BCHE: variants seen among roughly 807,000 people sequenced by gnomAD.
BCHE encodes cholinesterase.
Under a neutral mutation model 51.3 loss-of-function variants are expected in BCHE, and 48 were observed. That is an observed-to-expected ratio of 0.94 (90% CI 0.74 to 1.19). BCHE has a LOEUF of 1.19. Ranked by LOEUF, BCHE falls within the 50% of genes most tolerant of loss-of-function variation. BCHE has a pLI of 0.00. For synonymous variants in BCHE, 251 were observed against 238.0 expected, an observed-to-expected ratio of 1.05 and a Z score of -0.50; for missense variants, 847 against 708.2, an observed-to-expected ratio of 1.20 and a Z score of -2.23.
intron 1 of BCHE, among the ~76,000 whole-genome samples, chr3:165,833,361 C>T (rs1414772458): frequency 6.6e-6 from 1 of 152,082 alleles, no homozygotes; most frequent in Non-Finnish European, 1.5e-5. Flanking sequence ...CTCACGCAAA[C>T]TTAGATGCCA....
chr3:165,828,553 TTTG>T (rs1714821232), intron 2 of BCHE, among the ~76,000 whole-genome samples: 1 of 152,124 alleles, frequency 6.6e-6, no homozygotes, highest in African/African-American at 2.4e-5. Flanking sequence ...CTATCGGCAT[TTTG>T]TTTAGTTATA....
chr3:165,785,438 T>G (rs1400357067), intron 3 of BCHE, among the ~76,000 whole-genome samples: 1 of 151,848 alleles, frequency 6.6e-6, no homozygotes, highest in African/African-American at 2.4e-5. Context: ...GACACATGTT[T>G]GATCACTCAA....
At chr3:165,791,551 A>G (rs1388429782) in intron 2 of BCHE, among the ~76,000 whole-genome samples, 1 of 152,238 alleles carries the variant, frequency 6.6e-6, no homozygotes. Flanking sequence ...GGAAAGGAGC[A>G]GGCAAGGTTG....
chr3:165,777,690 G>C, intron 3 of BCHE: 1 of 411,736 alleles, frequency 2.4e-6, no homozygotes, highest in Non-Finnish European at 4.9e-6. Flanking sequence ...TGAACAACAT[G>C]AGTCTGAACT....
intron 2 of BCHE, among the ~76,000 whole-genome samples, chr3:165,792,028 T>C (rs56375675): frequency 0.096 from 14,608 of 152,008 alleles, 766 homozygotes; most frequent in Admixed American, 0.14. Context: ...AAATTTTACA[T>C]CCAAATGGAG....
chr3:165,830,093 A>G lies in BCHE; in HGVS notation c.941T>C (p.Leu314Ser). The G allele has an allele frequency of 1.2e-6, 2 of 1,613,716 alleles. No homozygotes were observed. The highest frequency in any genetic ancestry group is 1.7e-6 in the Non-Finnish European group (2 of 1,179,846). The change falls in exon 2 of 4, where the codon TTG becomes TCG. Residue 314 changes from leucine (L) to serine (S), a missense_variant. Leu to Ser is a moderately radical substitution (Grantham distance 145). Transcript: ENST00000264381. ...EAFVVPYGTP[L>S]SVNFGPTVDG... ...CACGGTCGGACCAAAGTTTACTGACAAAGGAGTCCCATAGGGGACAACAAA... is the reference window on the plus strand; with the variant it reads ...CACGGTCGGACCAAAGTTTACTGACGAAGGAGTCCCATAGGGGACAACAAA...
At chr3:165,797,491 A>G (rs79810427) in intron 2 of BCHE, among the ~76,000 whole-genome samples, 262 of 151,398 alleles carry the variant, frequency 1.7e-3, no homozygotes, top group African/African-American at 6.1e-3. Flanking sequence ...TCCAGAGACA[A>G]CAAAGCAACT....
intron 2 of BCHE, among the ~76,000 whole-genome samples, chr3:165,798,394 A>G (rs1441447030): frequency 6.6e-6 from 1 of 152,140 alleles, no homozygotes; most frequent in Non-Finnish European, 1.5e-5. Context: ...AGAAGAATAT[A>G]CTTTAAAAAA....
intron 2 of BCHE, among the ~76,000 whole-genome samples, chr3:165,791,988 T>TAAAATAAAATAAA (rs372410356): frequency 1.3e-5 from 2 of 151,514 alleles, no homozygotes; most frequent in African/African-American, 2.4e-5. Flanking sequence ...TAAAATAAAA[T>TAAAATAAAATAAA]AAAGAGTTCA....
intron 1 of BCHE, among the ~76,000 whole-genome samples, chr3:165,833,647 A>G (rs891029324): frequency 1.3e-5 from 2 of 152,164 alleles, no homozygotes; most frequent in African/African-American, 4.8e-5. Flanking sequence ...GTTACCTGAC[A>G]CTAATAACAT....
chr3:165,820,701 G>A (rs1170346024), intron 2 of BCHE, among the ~76,000 whole-genome samples: 1 of 151,906 alleles, frequency 6.6e-6, no homozygotes, highest in Admixed American at 6.6e-5. Flanking sequence ...TTATAAGTCT[G>A]ATAATAATTG....
chr3:165,799,929 A>G (rs960384716), intron 2 of BCHE, among the ~76,000 whole-genome samples: 2 of 152,096 alleles, frequency 1.3e-5, no homozygotes, highest in African/African-American at 4.8e-5. Context: ...TTTACTGATC[A>G]TTAGTAAGTT....
chr3:165,785,856 T>C (rs1016580879), intron 3 of BCHE, among the ~76,000 whole-genome samples: 1 of 151,792 alleles, frequency 6.6e-6, no homozygotes, highest in Non-Finnish European at 1.5e-5. Flanking sequence ...GAATAACAAG[T>C]AGGGCTCTAT....
chr3:165,782,054 A>T (rs1156386739), intron 3 of BCHE, among the ~76,000 whole-genome samples: 3 of 152,130 alleles, frequency 2.0e-5, no homozygotes, highest in Non-Finnish European at 2.9e-5. Flanking sequence ...TTCAAAGCAT[A>T]TTAATAGGAC....
At chr3:165,815,876 T>A (rs1714295910) in intron 2 of BCHE, among the ~76,000 whole-genome samples, 1 of 152,032 alleles carries the variant, frequency 6.6e-6, no homozygotes, top group Admixed American at 6.6e-5. Flanking sequence ...TTGTCACTAC[T>A]TATACCAGGT....
At position 165,830,393 on chromosome 3, in the gene BCHE, C is replaced by T; in HGVS notation, c.641G>A (p.Gly214Asp). The T allele has an allele frequency of 6.2e-7, 1 of 1,613,962 alleles. No individual in the cohort carries two copies. ...QWVQKNIAAF[G>D]GNPKSVTLFG... Reference sequence around the variant, plus strand: ...GAGAGTTACACTTTTAGGATTTCCACCAAAGGCTGCTATATTTTTTTGAAC... The same window carrying T: ...GAGAGTTACACTTTTAGGATTTCCATCAAAGGCTGCTATATTTTTTTGAAC... Residue 214 changes from glycine (G) to aspartate (D), a missense_variant, in exon 2 of 4, where the codon GGT (glycine) becomes GAT (aspartate). Gly to Asp is a moderately conservative substitution (Grantham distance 94, BLOSUM62 -1). Transcript: ENST00000264381.
rs145718053 is a variant in BCHE at position 165,795,005 on chromosome 3, G to GA, written c.1518-8695dup. The stretch of plus-strand genomic sequence containing the variant: ...TCATAAACCTAGGAAAATATACACT[G>GA]AAAAAAATGGTTTTTGCAGTAAGAA... On this transcript the variant is annotated intron_variant, in intron 2 of 3. Transcript: ENST00000264381. Among the ~76,000 whole-genome samples the GA allele has an allele frequency of 6.7e-3, 1,013 of 151,900 alleles. 8 individuals are homozygous for GA. Among genetic ancestry groups the GA allele is most frequent in the African/African-American group, 0.022 (930 of 41,448 alleles).
chr3:165,824,046 G>A (rs1714627399), intron 2 of BCHE, among the ~76,000 whole-genome samples: 1 of 151,628 alleles, frequency 6.6e-6, no homozygotes. Flanking sequence ...CAAAGTGGTG[G>A]GATTACAGGC....
intron 2 of BCHE, among the ~76,000 whole-genome samples, chr3:165,804,949 A>G (rs1226583271): frequency 6.6e-6 from 1 of 152,252 alleles, no homozygotes; most frequent in Non-Finnish European, 1.5e-5. Context: ...AGCATTTCAC[A>G]GTTTATTTGT....
Sources: allele counts gnomAD v4.1 joint callset (sites outside exome capture counted in the v4.1 genomes callset), GRCh38; gene constraint gnomAD v4.1.1; transcripts MANE v1.5; gene names NCBI Gene and HGNC (gene_info 2026-07-23, HGNC 2026-07-21).